The following FNBP1L variants were observed in gnomAD, a reference collection of about 807,000 sequenced individuals.
The protein encoded by FNBP1L is formin binding protein 1 like.
FNBP1L carries 36 observed loss-of-function variants against 91.2 expected under a neutral mutation model. That is an observed-to-expected ratio of 0.39 (90% CI 0.30 to 0.52). The LOEUF is 0.52. Among genes scored for constraint, FNBP1L ranks in the 20% least tolerant of loss-of-function variants. FNBP1L has a pLI of 0.66. For missense variants in FNBP1L, 571 were observed against 732.1 expected (o/e 0.78, Z 2.54); for synonymous variants, 242 against 237.0 (o/e 1.02, Z -0.19).
At chr1:93,512,361 A>G (rs1670886032) in intron 2 of FNBP1L, among the ~76,000 whole-genome samples, 1 of 151,780 alleles carries the variant, frequency 6.6e-6, no homozygotes, top group Admixed American at 6.6e-5. Context: ...TAGACAAATC[A>G]ACGAGACAGA....
intron 1 of FNBP1L, among the ~76,000 whole-genome samples, chr1:93,468,153 C>T (rs936054846): frequency 1.3e-5 from 2 of 152,156 alleles, no homozygotes; most frequent in Admixed American, 6.5e-5. Context: ...ATCTTCCTGT[C>T]TCAACAGATT....
intron 1 of FNBP1L, among the ~76,000 whole-genome samples, chr1:93,492,034 A>G (rs1019515657): frequency 6.6e-6 from 1 of 152,158 alleles, no homozygotes; most frequent in African/African-American, 2.4e-5. Flanking sequence ...ATGGTGACCA[A>G]CTCTCAAAAT....
At position 93,553,464 on chromosome 1, in the gene FNBP1L, T is replaced by C. The variant is rs1672483831; in HGVS notation, c.*1048T>C. 1 of 152,648 alleles carries C rather than the reference T, an allele frequency of 6.6e-6. No homozygotes were observed. The highest frequency in any genetic ancestry group is 6.5e-5 in the Admixed American group (1 of 15,290). The allele number at this position is 152,648 out of a possible 1,614,324, so 9.5% of individuals were successfully genotyped here. On this transcript the variant is annotated 3_prime_UTR_variant, in exon 17 of 17. Coordinates refer to ENST00000271234, the MANE Select transcript of FNBP1L (RefSeq NM_001164473.3). The stretch of plus-strand genomic sequence containing the variant: ...GCTCTACCATATACAGTGGTGCATC[T>C]TCAAATTTATGCATCAAACTAAAGA...
rs1672467974 is a variant in FNBP1L at position 93,553,056 on chromosome 1, A to C, written c.*640A>C. On this transcript the variant is annotated 3_prime_UTR_variant, in exon 17 of 17. Transcript: ENST00000271234. Reference sequence around the variant, plus strand: ...CCACTGCAAACATTCCAGTTTTGGCATTACGAAGAAGTAGCTGTGAACCTG... The same window carrying C: ...CCACTGCAAACATTCCAGTTTTGGCCTTACGAAGAAGTAGCTGTGAACCTG... 1 of 152,426 alleles carries C rather than the reference A, an allele frequency of 6.6e-6. No homozygotes were observed. Among genetic ancestry groups the C allele is most frequent in the South Asian group, 2.1e-4 (1 of 4,834 alleles). 9.4% of individuals were successfully genotyped at this position (152,426 alleles called of 1,614,324 possible). A position where few individuals can be genotyped will look rare whatever the true frequency, so the allele number is the denominator to read the frequency against.
chr1:93,507,146 C>T (rs2433275), intron 2 of FNBP1L, among the ~76,000 whole-genome samples: 6,813 of 119,600 alleles, frequency 0.057, 86 homozygotes, highest in Non-Finnish European at 0.075. Flanking sequence ...CTCTCTCTCT[C>T]TCTCTTTCTC....
At chr1:93,486,073 A>G (rs1428687791) in intron 1 of FNBP1L, among the ~76,000 whole-genome samples, 1 of 152,192 alleles carries the variant, frequency 6.6e-6, no homozygotes, top group African/African-American at 2.4e-5. Context: ...GTGGAACAGG[A>G]AGCTCAGAGA....
At chr1:93,472,541 G>T (rs960782174) in intron 1 of FNBP1L, among the ~76,000 whole-genome samples, 1 of 151,770 alleles carries the variant, frequency 6.6e-6, no homozygotes, top group Non-Finnish European at 1.5e-5. Context: ...GGCCGGGCGT[G>T]GTGGCTTATG....
At chr1:93,473,965 G>A (rs187244503) in intron 1 of FNBP1L, among the ~76,000 whole-genome samples, 51 of 152,278 alleles carry the variant, frequency 3.3e-4, no homozygotes, top group African/African-American at 1.2e-3. Context: ...GCAGAGTGGT[G>A]GAGGAATAAA....
rs149783132 is a variant in FNBP1L, at chr1:93,538,846, A to G, written c.1150-2196A>G. On this transcript the variant is annotated intron_variant, in intron 10 of 16. Coordinates refer to ENST00000271234, the MANE Select transcript of FNBP1L (RefSeq NM_001164473.3). ...TTTCCTAAATAACTTCTTAAAAATT[A>G]TGATTTTTTCTTTTTCTTTTCCTTT... Among the ~76,000 whole-genome samples the G allele has an allele frequency of 2.2e-3, 338 of 152,150 alleles. 5 individuals carry two copies. Among genetic ancestry groups the G allele is most frequent in the Non-Finnish European group, 9.0e-4 (61 of 67,934 alleles).
chr1:93,497,338 CAAAT>C (rs1201359577), intron 1 of FNBP1L, among the ~76,000 whole-genome samples: 21 of 152,276 alleles, frequency 1.4e-4, no homozygotes, highest in Admixed American at 1.3e-3. Flanking sequence ...AAATTGGCAT[CAAAT>C]AAATTTATTG....
chr1:93,458,130 A>AT (rs35174306), intron 1 of FNBP1L, among the ~76,000 whole-genome samples: 24,402 of 151,962 alleles, frequency 0.16, 3,212 homozygotes, highest in African/African-American at 0.36. Flanking sequence ...AATTTTTGCT[A>AT]TTTTGATTTC....
At chr1:93,453,334 G>A (rs1226990400) in intron 1 of FNBP1L, among the ~76,000 whole-genome samples, 2 of 152,138 alleles carry the variant, frequency 1.3e-5, no homozygotes, top group African/African-American at 4.8e-5. Flanking sequence ...AAGCTAGAGA[G>A]CTGCCTCTAA....
At chr1:93,502,639 C>G (rs1557795429) in intron 2 of FNBP1L, among the ~76,000 whole-genome samples, 1 of 152,182 alleles carries the variant, frequency 6.6e-6, no homozygotes, top group Non-Finnish European at 1.5e-5. Context: ...GAACCCACAA[C>G]TTCATGATAT....
At chr1:93,464,743 C>G (rs1352628632) in intron 1 of FNBP1L, among the ~76,000 whole-genome samples, 1 of 151,944 alleles carries the variant, frequency 6.6e-6, no homozygotes, top group Non-Finnish European at 1.5e-5. Flanking sequence ...AACTTAAATA[C>G]CTAGTTTGAT....
chr1:93,487,917 T>G (rs1669961606), intron 1 of FNBP1L, among the ~76,000 whole-genome samples: 1 of 152,192 alleles, frequency 6.6e-6, no homozygotes, highest in Non-Finnish European at 1.5e-5. Context: ...ACATATGTAT[T>G]TAGTTGCCTA....
chr1:93,506,027 T>G (rs1670599316), intron 2 of FNBP1L, among the ~76,000 whole-genome samples: 1 of 152,230 alleles, frequency 6.6e-6, no homozygotes, highest in African/African-American at 2.4e-5. Context: ...TTTTTTACTA[T>G]AAGAGAGAAG....
At chr1:93,469,118 G>T (rs1176223327) in intron 1 of FNBP1L, among the ~76,000 whole-genome samples, 2 of 151,752 alleles carry the variant, frequency 1.3e-5, no homozygotes, top group Admixed American at 6.6e-5. Context: ...TAAGTTCTAG[G>T]GTACATGTGC....
At position 93,448,502 on chromosome 1, in the gene FNBP1L, C is replaced by G. The variant is rs573781611; in HGVS notation, c.24+197C>G. Among the ~76,000 whole-genome samples the G allele has an allele frequency of 1.1e-4, 17 of 152,294 alleles. No individual in the cohort carries two copies. The East Asian group carries it at 3.1e-3, about 28-fold the overall frequency. On this transcript the variant is annotated intron_variant, in intron 1 of 16. Coordinates refer to ENST00000271234, the MANE Select transcript of FNBP1L (RefSeq NM_001164473.3). ...GCCGGGGGTCTAGGGGGCCGCTAGT[C>G]CGTGCTCCCGCCTTTGCCGCCGTGG... is the stretch of plus-strand genomic sequence containing the variant.
At chr1:93,458,097 G>A (rs1411193631) in intron 1 of FNBP1L, among the ~76,000 whole-genome samples, 1 of 151,724 alleles carries the variant, frequency 6.6e-6, no homozygotes, top group African/African-American at 2.4e-5. Flanking sequence ...GCCGGAAACA[G>A]GAATTTCTTA....
Sources: gnomAD v4.1 joint callset for allele counts (sites outside exome capture counted in the v4.1 genomes callset) on GRCh38, gnomAD v4.1.1 for gene constraint, MANE v1.5 for transcripts, NCBI Gene and HGNC (gene_info 2026-07-23, HGNC 2026-07-21) for gene names.